Variants in SPATA17 observed in about 807,000 individuals in gnomAD.
The protein encoded by SPATA17 is spermatogenesis associated 17.
SPATA17 carries 53 observed loss-of-function variants against 62.2 expected under a neutral mutation model. That is an observed-to-expected ratio of 0.85 (90% CI 0.68 to 1.07). SPATA17 has a LOEUF of 1.07. Among genes scored for constraint, SPATA17 ranks in the 50% least tolerant of loss-of-function variants. The pLI, the probability that SPATA17 is intolerant of heterozygous loss-of-function variation, is 0.00. For missense variants in SPATA17, 466 were observed against 425.5 expected, an observed-to-expected ratio of 1.10 and a Z score of -0.84; for synonymous variants, 146 against 146.8, an observed-to-expected ratio of 0.99 and a Z score of 0.04.
At chr1:217,813,596 G>A (rs1396172326) in intron 9 of SPATA17, among the ~76,000 whole-genome samples, 1 of 152,032 alleles carries the variant, frequency 6.6e-6, no homozygotes, top group East Asian at 1.9e-4. Context: ...GTAATTGAGG[G>A]AAAATATTTT....
chr1:217,678,428 T>C (rs1671004278), intron 4 of SPATA17, among the ~76,000 whole-genome samples: 1 of 151,890 alleles, frequency 6.6e-6, no homozygotes, highest in South Asian at 2.1e-4. Flanking sequence ...CAGGCTGGTC[T>C]CGAACTCCTG....
intron 9 of SPATA17, among the ~76,000 whole-genome samples, chr1:217,857,823 G>A (rs1451533525): frequency 1.3e-5 from 2 of 152,154 alleles, no homozygotes; most frequent in Non-Finnish European, 2.9e-5. Context: ...GTTTCTGAAA[G>A]ATTTTGTTTT....
At chr1:217,824,198 A>G (rs1200765324) in intron 9 of SPATA17, among the ~76,000 whole-genome samples, 12 of 151,840 alleles carry the variant, frequency 7.9e-5, no homozygotes, top group Admixed American at 7.9e-4. Flanking sequence ...TTGTTCTGTC[A>G]TTTCCCCATA....
At chr1:217,718,538 C>A (rs1393424890) in intron 5 of SPATA17, among the ~76,000 whole-genome samples, 12 of 152,124 alleles carry the variant, frequency 7.9e-5, no homozygotes, top group Non-Finnish European at 1.6e-4. Context: ...GACCCAGGAA[C>A]CTGACGGAAA....
chr1:217,643,061 CACATTTT>C (rs2102878367), intron 1 of SPATA17, among the ~76,000 whole-genome samples: 1 of 152,292 alleles, frequency 6.6e-6, no homozygotes, highest in South Asian at 2.1e-4. Flanking sequence ...CACATCTGTA[CACATTTT>C]ACATCTATAC....
At chr1:217,783,980 G>A (rs1057355373) in intron 8 of SPATA17, among the ~76,000 whole-genome samples, 1 of 151,852 alleles carries the variant, frequency 6.6e-6, no homozygotes, top group Admixed American at 6.6e-5. Flanking sequence ...AGTTGCAGAT[G>A]CTAAAAAAAA....
At chr1:217,849,564 G>T (rs569901400) in intron 9 of SPATA17, among the ~76,000 whole-genome samples, 1 of 152,168 alleles carries the variant, frequency 6.6e-6, no homozygotes, top group Non-Finnish European at 1.5e-5. Context: ...CTAATCTCTT[G>T]CCAGGAGTGC....
chr1:217,646,276 G>A (rs1247140367), intron 1 of SPATA17, among the ~76,000 whole-genome samples: 1 of 151,964 alleles, frequency 6.6e-6, no homozygotes, highest in Non-Finnish European at 1.5e-5. Flanking sequence ...TTTTACTTAT[G>A]TAAATAAAAT....
chr1:217,656,318 T>C (rs967400750), intron 3 of SPATA17, among the ~76,000 whole-genome samples: 25 of 152,314 alleles, frequency 1.6e-4, no homozygotes, highest in African/African-American at 5.5e-4. Flanking sequence ...AGAGTTCAAA[T>C]AATAAGCCAC....
intron 6 of SPATA17, among the ~76,000 whole-genome samples, chr1:217,768,646 C>A (rs377217892): frequency 6.6e-6 from 1 of 151,948 alleles, no homozygotes. Context: ...TGCCCCACCA[C>A]CACACCCAGC....
intron 7 of SPATA17, among the ~76,000 whole-genome samples, chr1:217,778,567 G>T (rs993864670): frequency 7.9e-5 from 12 of 152,218 alleles, no homozygotes; most frequent in African/African-American, 2.6e-4. Flanking sequence ...ATATTCATTT[G>T]TATAGCTATT....
intron 8 of SPATA17, among the ~76,000 whole-genome samples, chr1:217,790,392 G>A (rs1405176661): frequency 6.6e-6 from 1 of 152,142 alleles, no homozygotes; most frequent in Non-Finnish European, 1.5e-5. Flanking sequence ...AAAAAAGGGG[G>A]AACCATGCTC....
chr1:217,702,489 A>G (rs953821025), intron 5 of SPATA17, among the ~76,000 whole-genome samples: 4 of 152,206 alleles, frequency 2.6e-5, no homozygotes, highest in Admixed American at 2.0e-4. Flanking sequence ...CCTTTAAACA[A>G]TAAAGCATAG....
intron 9 of SPATA17, among the ~76,000 whole-genome samples, chr1:217,833,595 G>A (rs190868124): frequency 3.7e-4 from 57 of 152,140 alleles, no homozygotes; most frequent in South Asian, 1.0e-3. Context: ...TCTTTTTGCC[G>A]ACTTTAGTTC....
intron 6 of SPATA17, among the ~76,000 whole-genome samples, chr1:217,771,023 CA>C (rs1482491332): frequency 2.2e-5 from 1 of 46,222 alleles, no homozygotes; most frequent in Non-Finnish European, 4.2e-5. Context: ...TTTGACGAGT[CA>C]GAATCGTAGC....
At chr1:217,651,037 AG>A (rs1456168890) in intron 2 of SPATA17, 59 bp from the exon 3 acceptor site, 1 of 1,304,488 alleles carries the variant, frequency 7.7e-7, no homozygotes, top group African/African-American at 1.5e-5. Context: ...ATTTTAACAA[AG>A]ATTTAACTGA....
intron 3 of SPATA17, among the ~76,000 whole-genome samples, chr1:217,660,612 G>A (rs994603909): frequency 6.6e-6 from 1 of 152,118 alleles, no homozygotes; most frequent in Non-Finnish European, 1.5e-5. Context: ...GTGAGCAGAT[G>A]GGATATATGC....
intron 4 of SPATA17, among the ~76,000 whole-genome samples, chr1:217,672,819 C>A (rs1670861091): frequency 6.6e-6 from 1 of 152,000 alleles, no homozygotes; most frequent in South Asian, 2.1e-4. Flanking sequence ...TGTTATAGAA[C>A]CTGTAACATT....
At chr1:217,812,943 A>C (rs1192991692) in intron 9 of SPATA17, among the ~76,000 whole-genome samples, 3 of 152,204 alleles carry the variant, frequency 2.0e-5, no homozygotes, top group Non-Finnish European at 4.4e-5. Context: ...ATGTTGATAG[A>C]GCTTTTCCTC....
Sources: gnomAD v4.1 joint callset for allele counts (sites outside exome capture counted in the v4.1 genomes callset) on GRCh38, gnomAD v4.1.1 for gene constraint, MANE v1.5 for transcripts, NCBI Gene and HGNC (gene_info 2026-07-23, HGNC 2026-07-21) for gene names.